UST: variants seen among roughly 807,000 people sequenced by gnomAD.
The protein encoded by UST is chondroitin sulfate 2-O-sulfotransferase.
Under a neutral mutation model 45.6 loss-of-function variants are expected in UST, and 21 were observed. The observed-to-expected ratio is 0.46, with a 90% confidence interval of 0.33 to 0.66. UST has a LOEUF of 0.66. Among genes scored for constraint, UST ranks in the 30% least tolerant of loss-of-function variants. UST has a pLI of 0.02. For synonymous variants in UST, 215 were observed against 200.6 expected, an observed-to-expected ratio of 1.07 and a Z score of -0.61; for missense variants, 463 against 512.4, an observed-to-expected ratio of 0.90 and a Z score of 0.93.
At chr6:149,004,031 T>A (rs1781601781) in intron 5 of UST, among the ~76,000 whole-genome samples, 1 of 152,244 alleles carries the variant, frequency 6.6e-6, no homozygotes. Flanking sequence ...AATGATGCCA[T>A]GTTTTTTAAA....
intron 5 of UST, among the ~76,000 whole-genome samples, chr6:148,984,888 T>C (rs1049058820): frequency 6.6e-6 from 1 of 152,158 alleles, no homozygotes; most frequent in African/African-American, 2.4e-5. Flanking sequence ...TGAAATAGGA[T>C]TGTCATGGTA....
At chr6:149,063,121 C>T (rs1425269705) in intron 7 of UST, among the ~76,000 whole-genome samples, 4 of 152,178 alleles carry the variant, frequency 2.6e-5, no homozygotes, top group Non-Finnish European at 5.9e-5. Context: ...GTGTCCCTGC[C>T]ACTCCCTCCC....
chr6:148,780,724 T>C (rs948746198), intron 1 of UST, among the ~76,000 whole-genome samples: 2 of 152,226 alleles, frequency 1.3e-5, no homozygotes, highest in African/African-American at 2.4e-5. Flanking sequence ...TCTTTGCTAT[T>C]GTGAATAGTC....
intron 5 of UST, among the ~76,000 whole-genome samples, chr6:148,974,211 G>A (rs1355876246): frequency 6.6e-6 from 1 of 152,142 alleles, no homozygotes; most frequent in Non-Finnish European, 1.5e-5. Context: ...GGGAGCCAAG[G>A]CCATGCTAAG....
chr6:148,816,844 G>T (rs142959319), intron 1 of UST, among the ~76,000 whole-genome samples: 2 of 152,284 alleles, frequency 1.3e-5, no homozygotes, highest in East Asian at 3.9e-4. Context: ...ATGGTCCCTG[G>T]AATGAATATA....
At position 149,076,326 on chromosome 6, in the gene UST, A is replaced by G. The variant is rs150013018; in HGVS notation, c.*2210A>G. On this transcript the variant is annotated 3_prime_UTR_variant, in exon 8 of 8. Coordinates refer to ENST00000367463, the MANE Select transcript of UST (RefSeq NM_005715.3). ...ATAAGTTTACACACTGTGCAATCTC[A>G]CAATCTGAAAATAAAGTTGAGTTGG... The G allele has an allele frequency of 2.2e-3, 336 of 152,284 alleles. No homozygotes were observed. Among genetic ancestry groups the G allele is most frequent in the African/African-American group, 7.7e-3 (319 of 41,558 alleles). 9.4% of individuals were successfully genotyped at this position (152,284 alleles called of 1,614,324 possible).
intron 1 of UST, among the ~76,000 whole-genome samples, chr6:148,823,904 C>G (rs536432530): frequency 6.6e-6 from 1 of 152,262 alleles, no homozygotes; most frequent in African/African-American, 2.4e-5. Flanking sequence ...TGTCTGCAAG[C>G]AATTTTCGTG....
intron 1 of UST, among the ~76,000 whole-genome samples, chr6:148,785,686 T>A (rs918776050): frequency 6.6e-6 from 1 of 152,212 alleles, no homozygotes; most frequent in East Asian, 1.9e-4. Flanking sequence ...CTAACACAAC[T>A]AATCGTTTGG....
intron 5 of UST, among the ~76,000 whole-genome samples, chr6:148,992,628 T>G (rs1292581376): frequency 6.6e-6 from 1 of 152,136 alleles, no homozygotes; most frequent in Non-Finnish European, 1.5e-5. Flanking sequence ...TGGTTGTGGT[T>G]GTAGTTTTGC....
At chr6:148,903,860 G>T (rs1465120698) in intron 2 of UST, among the ~76,000 whole-genome samples, 3 of 152,200 alleles carry the variant, frequency 2.0e-5, no homozygotes, top group Admixed American at 2.0e-4. Flanking sequence ...GGCTGTCAAA[G>T]TACTGGACAC....
chr6:148,975,228 C>G (rs567661377), intron 5 of UST, among the ~76,000 whole-genome samples: 1 of 152,268 alleles, frequency 6.6e-6, no homozygotes, highest in African/African-American at 2.4e-5. Context: ...CATTCTCATA[C>G]ATTGCTTTTT....
intron 1 of UST, among the ~76,000 whole-genome samples, chr6:148,788,930 TAATATTATTC>T (rs1259379587): frequency 1.3e-5 from 2 of 152,238 alleles, no homozygotes; most frequent in African/African-American, 4.8e-5. Flanking sequence ...TCACATGGAA[TAATATTATTC>T]AGGTCTTGTT....
intron 7 of UST, among the ~76,000 whole-genome samples, chr6:149,033,085 A>T (rs192618723): frequency 6.6e-6 from 1 of 152,280 alleles, no homozygotes; most frequent in East Asian, 1.9e-4. Context: ...ACTTGACCCC[A>T]GGGGTTGATG....
At chr6:149,053,691 A>C (rs766376142) in intron 7 of UST, among the ~76,000 whole-genome samples, 1 of 152,258 alleles carries the variant, frequency 6.6e-6, no homozygotes, top group Non-Finnish European at 1.5e-5. Context: ...TAATTATCTC[A>C]TAAACATTCT....
At chr6:149,037,481 G>GT (rs1165498330) in intron 7 of UST, among the ~76,000 whole-genome samples, 1 of 152,228 alleles carries the variant, frequency 6.6e-6, no homozygotes, top group Admixed American at 6.5e-5. Flanking sequence ...GGGGGAGGGG[G>GT]TTTTCCCCAG....
chr6:149,050,141 A>G (rs1226777489), intron 7 of UST, among the ~76,000 whole-genome samples: 1 of 152,200 alleles, frequency 6.6e-6, no homozygotes, highest in Non-Finnish European at 1.5e-5. Flanking sequence ...GCCTGAATGC[A>G]GGTATTTAAA....
chr6:148,853,202 G>A (rs2114788807), intron 1 of UST, among the ~76,000 whole-genome samples: 1 of 152,298 alleles, frequency 6.6e-6, no homozygotes, highest in Admixed American at 6.5e-5. Context: ...AGAACATGTG[G>A]TGTTTGGTTT....
At chr6:148,911,585 C>T (rs1582892925) in intron 2 of UST, among the ~76,000 whole-genome samples, 3 of 152,320 alleles carry the variant, frequency 2.0e-5, no homozygotes, top group South Asian at 4.1e-4. Context: ...TAGAATTCCA[C>T]ATCACTCTCC....
intron 5 of UST, among the ~76,000 whole-genome samples, chr6:149,012,660 CA>C (rs1254584608): frequency 6.6e-6 from 1 of 151,974 alleles, no homozygotes; most frequent in Non-Finnish European, 1.5e-5. Context: ...ATAAGAAGTC[CA>C]AAGTTCCACA....
Sources: allele counts gnomAD v4.1 joint callset (sites outside exome capture counted in the v4.1 genomes callset), GRCh38; gene constraint gnomAD v4.1.1; transcripts MANE v1.5; gene names NCBI Gene and HGNC (gene_info 2026-07-23, HGNC 2026-07-21).